PDE4D: variants seen among roughly 807,000 people sequenced by gnomAD.
The protein encoded by PDE4D is 3',5'-cyclic-AMP phosphodiesterase 4D.
A neutral mutation model predicts 87.4 loss-of-function variants in PDE4D; 24 were observed. The ratio of observed to expected loss-of-function variants is 0.27; its 90% CI spans 0.20 to 0.39. The LOEUF is 0.39. PDE4D is among the 10% of genes least tolerant of loss of function. The probability of loss-of-function intolerance (pLI) is 1.00; values close to 1 mark genes in which losing one functional copy is unlikely to be tolerated. For synonymous variants in PDE4D, 384 were observed against 383.2 expected (o/e 1.00, Z -0.02); for missense variants, 714 against 1,041.0 (o/e 0.69, Z 4.32).
chr5:59,156,948 A>G (rs1185154772), intron 5 of PDE4D: 1 of 190,868 alleles, frequency 5.2e-6, no homozygotes, highest in African/African-American at 2.4e-5. Context: ...TTTGCAGGAG[A>G]TTATAGACTG....
At chr5:59,775,599 T>C (rs1344774878) in intron 1 of PDE4D, among the ~76,000 whole-genome samples, 1 of 152,202 alleles carries the variant, frequency 6.6e-6, no homozygotes, top group African/African-American at 2.4e-5. Context: ...CTCCCCAAAA[T>C]TGTTCATTGT....
At chr5:59,574,031 A>AAT (rs1226423925) in intron 1 of PDE4D, among the ~76,000 whole-genome samples, 1 of 104,740 alleles carries the variant, frequency 9.5e-6, no homozygotes, top group Non-Finnish European at 1.9e-5. Flanking sequence ...TATATATAAA[A>AAT]ATATATATTT....
At chr5:59,836,862 C>T (rs1742197927) in intron 1 of PDE4D, among the ~76,000 whole-genome samples, 1 of 151,968 alleles carries the variant, frequency 6.6e-6, no homozygotes, top group South Asian at 2.1e-4. Context: ...CACTGGATAG[C>T]TCCATAATAA....
At chr5:60,128,034 C>A (rs1779258981) in intron 2 of PDE4D, among the ~76,000 whole-genome samples, 1 of 152,094 alleles carries the variant, frequency 6.6e-6, no homozygotes, top group Non-Finnish European at 1.5e-5. Flanking sequence ...CCTGTGAGGA[C>A]ATGGTAGCAG....
At chr5:59,896,121 G>A (rs971312444), upstream of PDE4D, among the ~76,000 whole-genome samples, 17 of 152,098 alleles carry the variant, frequency 1.1e-4, no homozygotes, top group Non-Finnish European at 1.8e-4. Flanking sequence ...TCCTACCCAT[G>A]TTACTTTAGC....
intron 1 of PDE4D, chr5:59,356,911 G>A: frequency 2.7e-6 from 4 of 1,463,466 alleles, no homozygotes; most frequent in Non-Finnish European, 2.7e-6. Flanking sequence ...GGGCTCTGGG[G>A]CCCTGAGGCC....
chr5:59,470,933 C>T (rs1432702180), intron 1 of PDE4D, among the ~76,000 whole-genome samples: 1 of 152,056 alleles, frequency 6.6e-6, no homozygotes, highest in African/African-American at 2.4e-5. Context: ...AATATTTACA[C>T]TCATCAGAAG....
At chr5:59,628,055 G>C (rs979117165) in intron 1 of PDE4D, among the ~76,000 whole-genome samples, 2 of 152,114 alleles carry the variant, frequency 1.3e-5, no homozygotes, top group African/African-American at 4.8e-5. Flanking sequence ...GAATAGCAAA[G>C]ACAACAACAA....
intron 1 of PDE4D, among the ~76,000 whole-genome samples, chr5:60,320,953 T>C (rs1756199915): frequency 6.6e-6 from 1 of 152,204 alleles, no homozygotes; most frequent in Admixed American, 6.5e-5. Flanking sequence ...GAAGAATCAA[T>C]GTTGTTAAAA....
chr5:60,489,283 A>G (rs1002313410), upstream of PDE4D, among the ~76,000 whole-genome samples: 1 of 152,242 alleles, frequency 6.6e-6, no homozygotes, highest in Non-Finnish European at 1.5e-5. Context: ...ATAAACTTGT[A>G]CATAACTAAA....
At chr5:60,431,384 C>A (rs1337495844) in intron 1 of PDE4D, among the ~76,000 whole-genome samples, 5 of 152,004 alleles carry the variant, frequency 3.3e-5, no homozygotes, top group Admixed American at 2.0e-4. Flanking sequence ...ACGCTCCTCA[C>A]CTCCCAGACG....
At position 60,215,337 on chromosome 5, in the gene PDE4D, G is replaced by C. The variant is rs902449046; in HGVS notation, c.-89-29650C>G. ...TGTAGAGCAGAGGTTAAGGCTACTT[G>C]CAATGGGATAAAAAACTATCCTTGT... is the stretch of plus-strand genomic sequence containing the variant. On this transcript the variant is annotated intron_variant, in intron 1 of 16. Coordinates refer to the PDE4D transcript ENST00000502484. 1.8e-4 allele frequency among the ~76,000 whole-genome samples: 28 copies of C among 152,210 alleles called. 1 individual carries two copies. Among genetic ancestry groups the C allele is most frequent in the Admixed American group, 4.6e-4 (7 of 15,294 alleles).
At chr5:60,080,520 T>C (rs1277302553) in intron 2 of PDE4D, among the ~76,000 whole-genome samples, 2 of 152,212 alleles carry the variant, frequency 1.3e-5, no homozygotes, top group Non-Finnish European at 2.9e-5. Flanking sequence ...TGTGGGTTTA[T>C]CATAATTAAC....
chr5:60,337,406 C>CAT (rs1191503593), intron 1 of PDE4D, among the ~76,000 whole-genome samples: 1 of 138,196 alleles, frequency 7.2e-6, no homozygotes, highest in African/African-American at 2.6e-5. Context: ...CACACACACA[C>CAT]ATATATCAAT....
chr5:59,471,290 T>C (rs751091789), intron 1 of PDE4D, among the ~76,000 whole-genome samples: 24 of 152,290 alleles, frequency 1.6e-4, no homozygotes, highest in Admixed American at 3.9e-4. Flanking sequence ...ATGACTTTAA[T>C]TGCAGGTGAG....
chr5:59,338,892 C>A (rs540313276), intron 1 of PDE4D, among the ~76,000 whole-genome samples: 1 of 152,158 alleles, frequency 6.6e-6, no homozygotes, highest in South Asian at 2.1e-4. Context: ...AGAGAAAAAA[C>A]CTCAGAAAAT....
chr5:59,921,150 C>T (rs907236597), intron 3 of PDE4D, among the ~76,000 whole-genome samples: 1 of 152,114 alleles, frequency 6.6e-6, no homozygotes, highest in Non-Finnish European at 1.5e-5. Flanking sequence ...CATACATAAG[C>T]TCTATGATGT....
At chr5:59,544,070 C>T (rs1010037549) in intron 1 of PDE4D, among the ~76,000 whole-genome samples, 11 of 152,160 alleles carry the variant, frequency 7.2e-5, no homozygotes, top group African/African-American at 2.7e-4. Flanking sequence ...CAAAATGCTA[C>T]ATGCCAGCTT....
intron 1 of PDE4D, chr5:59,217,219 G>A: frequency 2.2e-6 from 1 of 455,954 alleles, no homozygotes; most frequent in Non-Finnish European, 4.4e-6. Context: ...GAGGGTGATA[G>A]CTTATGATAG....
Sources: gnomAD v4.1 joint callset for allele counts (sites outside exome capture counted in the v4.1 genomes callset) on GRCh38, gnomAD v4.1.1 for gene constraint, MANE v1.5 for transcripts, NCBI Gene and HGNC (gene_info 2026-07-23, HGNC 2026-07-21) for gene names.